Variants in SNX8 observed in about 807,000 individuals in gnomAD.
SNX8 encodes the protein sorting nexin-8.
Under a neutral mutation model 51.6 loss-of-function variants are expected in SNX8, and 25 were observed. The observed-to-expected ratio is 0.48, with a 90% CI of 0.35 to 0.68. The LOEUF is 0.68. SNX8 is among the 30% of genes least tolerant of loss of function. The pLI, the probability that SNX8 is intolerant of heterozygous loss-of-function variation, is 0.00. For missense variants in SNX8, 695 were observed against 624.0 expected, an observed-to-expected ratio of 1.11 and a Z score of -1.21; for synonymous variants, 324 against 277.0, an observed-to-expected ratio of 1.17 and a Z score of -1.68.
intron 7 of SNX8, among the ~76,000 whole-genome samples, chr7:2,260,562 C>T (rs182257234): frequency 1.7e-4 from 26 of 152,230 alleles, no homozygotes; most frequent in Admixed American, 1.4e-3. Flanking sequence ...CCGAGTCTCA[C>T]GTGTCTTGCT....
chr7:2,339,763 TATA>T (rs1778888887), intron 1 of SNX8, among the ~76,000 whole-genome samples: 1 of 152,166 alleles, frequency 6.6e-6, no homozygotes, highest in Non-Finnish European at 1.5e-5. Flanking sequence ...ATTATTATGC[TATA>T]ATATTTAAAA....
chr7:2,314,299 G>C, intron 1 of SNX8, 29 bp downstream of exon 1: 2 of 1,219,382 alleles, frequency 1.6e-6, no homozygotes, highest in Non-Finnish European at 2.0e-6. Flanking sequence ...CCCTGGGCAG[G>C]TGGGGGCTAC....
chr7:2,350,532 G>A lies in SNX8; in HGVS notation c.-66+3690C>T, dbSNP rs182103903. Reference sequence around the variant, plus strand: ...TAAAGCTTACCCCTGGGCCGAGCGCGGTGGCTCATGCCTATAATCCCAGCA... The same window carrying A: ...TAAAGCTTACCCCTGGGCCGAGCGCAGTGGCTCATGCCTATAATCCCAGCA... On this transcript the variant is annotated intron_variant, in intron 1 of 5. Transcript: ENST00000435336. Among the ~76,000 whole-genome samples, 39 of 152,328 alleles carry A rather than the reference G, an allele frequency of 2.6e-4. No homozygotes were observed. The East Asian group carries it at 7.1e-3, about 28-fold the overall frequency.
Position 2,323,705 on chromosome 7 carries a change from T to C in SNX8, c.-66+30517A>G, listed in dbSNP as rs1778578914. Among the ~76,000 whole-genome samples the C allele has an allele frequency of 1.3e-5, 2 of 152,166 alleles. 1 individual carries two copies. Among genetic ancestry groups the C allele is most frequent in the South Asian group, 4.1e-4 (2 of 4,834 alleles). On this transcript the variant is annotated intron_variant, in intron 1 of 5. Transcript: ENST00000435336. ...CGCTCAACCTCAGAAGGACCAGAAG[T>C]GCAGTACTACCACGTGCCTGGCACG...
Position 2,271,916 on chromosome 7 carries a change from C to T in SNX8, c.474G>A (p.Leu158=). 1 of 1,614,118 alleles carries T rather than the reference C, an allele frequency of 6.2e-7. No individual in the cohort carries two copies. The highest frequency in any genetic ancestry group is 8.5e-7 in the Non-Finnish European group (1 of 1,180,024). The part of the protein sequence containing the change: ...RRRALKRFVN[L]VARHPLFSED... ...CGGAGAACAGGGGGTGTCGCGCCAC[C>T]AGGTTGACGAAGCGCTTCAGGGCTC... Residue 158 remains leucine (L), a synonymous_variant, in exon 4 of 11, where the codon CTG becomes CTA. Coordinates refer to ENST00000222990, the MANE Select transcript of SNX8 (RefSeq NM_013321.4).
At chr7:2,273,719 C>T (rs1417836335) in intron 3 of SNX8, among the ~76,000 whole-genome samples, 6 of 149,896 alleles carry the variant, frequency 4.0e-5, no homozygotes, top group African/African-American at 1.5e-4. Flanking sequence ...CTGGCTAACA[C>T]GGTGAAACCC....
At chr7:2,327,733 G>T (rs1007776628) in intron 1 of SNX8, among the ~76,000 whole-genome samples, 9 of 150,190 alleles carry the variant, frequency 6.0e-5, no homozygotes, top group Admixed American at 1.3e-4. Flanking sequence ...AAGTAGAGAC[G>T]GGGTTTCACC....
At chr7:2,350,281 G>A (rs1050519911) in intron 1 of SNX8, among the ~76,000 whole-genome samples, 1 of 152,190 alleles carries the variant, frequency 6.6e-6, no homozygotes, top group Admixed American at 6.5e-5. Flanking sequence ...TAGCAAGGGA[G>A]GGGTTAGTCT....
intron 1 of SNX8, among the ~76,000 whole-genome samples, chr7:2,333,682 AATTG>A (rs1219794710): frequency 6.6e-6 from 1 of 152,224 alleles, no homozygotes; most frequent in Non-Finnish European, 1.5e-5. Flanking sequence ...ACATATGGTT[AATTG>A]ATTTTCAATA....
chr7:2,272,076 G>A, intron 3 of SNX8, 105 bp from the exon 4 acceptor site: 1 of 1,494,304 alleles, frequency 6.7e-7, no homozygotes, highest in Non-Finnish European at 9.1e-7. Flanking sequence ...AGAGGGCCCA[G>A]CGGCTAGCAG....
At chr7:2,311,364 T>G (rs1796654494) in intron 1 of SNX8, among the ~76,000 whole-genome samples, 1 of 152,210 alleles carries the variant, frequency 6.6e-6, no homozygotes, top group Admixed American at 6.5e-5. Context: ...GACTTAACTT[T>G]TTTCTTTGCT....
At chr7:2,296,851 A>T (rs1262959070) in intron 1 of SNX8, among the ~76,000 whole-genome samples, 1 of 151,680 alleles carries the variant, frequency 6.6e-6, no homozygotes, top group Non-Finnish European at 1.5e-5. Flanking sequence ...AATCGCTTGA[A>T]CCTGGGAGGC....
intron 5 of SNX8, among the ~76,000 whole-genome samples, chr7:2,268,339 G>A (rs537834144): frequency 2.8e-5 from 4 of 144,228 alleles, no homozygotes; most frequent in African/African-American, 7.8e-5. Flanking sequence ...GAGCCCCTCC[G>A]CCCGGCAGCT....
intron 1 of SNX8, among the ~76,000 whole-genome samples, chr7:2,303,347 C>A (rs1267098153): frequency 6.6e-6 from 1 of 150,898 alleles, no homozygotes; most frequent in Non-Finnish European, 1.5e-5. Flanking sequence ...GTCAGCCCCC[C>A]GCCCAGCCAG....
rs1795657201 is a variant in SNX8, at chr7:2,271,961, CT to C, written c.428del (p.Glu143GlyfsTer10). On this transcript the variant is annotated frameshift_variant, in exon 4 of 11. Transcript: ENST00000222990. LOFTEE classifies it high-confidence loss of function. ...PPKRMLGADR[E>X]FIEARRRALK... ...GGGCTCTCCTCCTGGCCTCGATGAACTCCCTGTCAGCTGGAGGAGCACACGG... is the reference window on the plus strand; with the variant it reads ...GGGCTCTCCTCCTGGCCTCGATGAACCCCTGTCAGCTGGAGGAGCACACGG... The C allele has an allele frequency of 6.2e-7, 1 of 1,613,938 alleles. No homozygotes were observed. The highest frequency in any genetic ancestry group is 8.5e-7 in the Non-Finnish European group (1 of 1,180,012).
At chr7:2,336,219 T>C (rs1778825864) in intron 1 of SNX8, among the ~76,000 whole-genome samples, 1 of 148,986 alleles carries the variant, frequency 6.7e-6, no homozygotes, top group Admixed American at 6.7e-5. Flanking sequence ...CTGACCAACA[T>C]GGAGAAACCC....
chr7:2,337,217 G>A (rs928970356), intron 1 of SNX8: 1 of 152,114 alleles, frequency 6.6e-6, no homozygotes, highest in Non-Finnish European at 1.5e-5. Flanking sequence ...CACTTTCAGA[G>A]GCCGAGGCAG....
intron 1 of SNX8, among the ~76,000 whole-genome samples, chr7:2,281,730 G>C (rs1194064947): frequency 1.1e-4 from 16 of 152,132 alleles, no homozygotes; most frequent in Admixed American, 1.0e-3. Context: ...CGCAGGATGG[G>C]ATCTGGCTCA....
At chr7:2,315,726 GCATT>G (rs1254146921), upstream of SNX8, among the ~76,000 whole-genome samples, 80 of 140,270 alleles carry the variant, frequency 5.7e-4, no homozygotes, top group African/African-American at 2.0e-3. Context: ...ACTGCATCCT[GCATT>G]CATTCATTCA....
Sources: gnomAD v4.1 joint callset for allele counts (sites outside exome capture counted in the v4.1 genomes callset) on GRCh38, gnomAD v4.1.1 for gene constraint, MANE v1.5 for transcripts, NCBI Gene and HGNC (gene_info 2026-07-23, HGNC 2026-07-21) for gene names.